CEP170: variants seen among roughly 807,000 people sequenced by gnomAD.
The protein encoded by CEP170 is centrosomal protein of 170 kDa.
A neutral mutation model predicts 151.9 loss-of-function variants in CEP170; 21 were observed. That is an observed-to-expected ratio of 0.14 (90% CI 0.10 to 0.20). The LOEUF (loss-of-function observed/expected upper bound fraction) is 0.20, where lower values mean the gene tolerates loss of function less well. CEP170 is among the 10% of genes least tolerant of loss of function. The pLI, the probability that CEP170 is intolerant of heterozygous loss-of-function variation, is 1.00. For missense variants in CEP170, 964 were observed against 1,892.9 expected, an observed-to-expected ratio of 0.51 and a Z score of 9.11; for synonymous variants, 356 against 648.8, an observed-to-expected ratio of 0.55 and a Z score of 6.86.
intron 7 of CEP170, among the ~76,000 whole-genome samples, chr1:243,195,908 A>G (rs1572193126): frequency 6.6e-6 from 1 of 152,042 alleles, no homozygotes; most frequent in Non-Finnish European, 1.5e-5. Context: ...TCTTAAGGCT[A>G]TTACTAATCA....
In CEP170 at chr1:243,128,513, T is replaced by C. The variant is rs187060510; in HGVS notation, c.4414-213A>G. ...AAACTAAAATGAAATACAATAACTT[T>C]TTCAGTGAGATGATTGTAGCAGATG... On this transcript the variant is annotated intron_variant, in intron 18 of 19. Transcript: ENST00000366542. 114 of 513,976 alleles carry C rather than the reference T, an allele frequency of 2.2e-4. 1 individual carries two copies. The highest frequency in any genetic ancestry group is 1.3e-3 in the African/African-American group (66 of 49,584). 31.8% of individuals were successfully genotyped at this position (513,976 alleles called of 1,614,324 possible).
In CEP170 at chr1:243,202,973, C is replaced by T. The variant is rs559971702; in HGVS notation, c.275-2138G>A. ...ATCCTCTTTAAACCTAGACACTCTT[C>T]AGGTCATGGAGAGCTTGAGAGGAGC... On this transcript the variant is annotated intron_variant, in intron 4 of 19. Transcript: ENST00000366542. Among the ~76,000 whole-genome samples, 38 of 152,266 alleles carry T rather than the reference C, an allele frequency of 2.5e-4. No individual in the cohort carries two copies. The South Asian group carries it at 4.1e-3, about 17-fold the overall frequency.
chr1:243,214,716 G>A (rs940910155), intron 3 of CEP170, among the ~76,000 whole-genome samples: 5 of 152,120 alleles, frequency 3.3e-5, no homozygotes, highest in Non-Finnish European at 5.9e-5. Flanking sequence ...ATATGTTCCA[G>A]GTGAATACAT....
chr1:243,166,235 C>G, intron 12 of CEP170, 119 bp from the exon 13 acceptor site: 1 of 1,348,226 alleles, frequency 7.4e-7, no homozygotes, highest in African/African-American at 1.5e-5. Context: ...CCTTATTCCC[C>G]CAGGATACCA....
intron 12 of CEP170, among the ~76,000 whole-genome samples, chr1:243,167,521 A>T (rs2058526544): frequency 6.6e-6 from 1 of 151,852 alleles, no homozygotes; most frequent in Non-Finnish European, 1.5e-5. Flanking sequence ...CCTGACTATT[A>T]AAAATGGAAT....
chr1:243,191,121 G>C lies in CEP170; in HGVS notation c.1005C>G (p.Asp335Glu). The C allele has an allele frequency of 1.2e-6, 2 of 1,613,486 alleles. No individual in the cohort carries two copies. The highest frequency in any genetic ancestry group is 3.3e-5 in the Admixed American group (2 of 59,976). ...GAGGAGGGTTGTTTTGTGCTAGCCA[G>C]TCAGCAACTTTGTTTTCGGGTGCCA... ...GMMAPENKVA[D>E]WLAQNNPPQM... is the part of the protein sequence containing the mutation. The change falls in exon 8 of 20, where the codon GAC becomes GAG. Residue 335 changes from aspartate to glutamate, a missense_variant. Transcript: ENST00000366542.
chr1:243,244,700 C>A (rs1220337742), intron 1 of CEP170, among the ~76,000 whole-genome samples: 3 of 151,644 alleles, frequency 2.0e-5, no homozygotes, highest in Non-Finnish European at 4.4e-5. Context: ...GAATGGAGAT[C>A]CCCCCACTGC....
chr1:243,191,123 C>T lies in CEP170; in HGVS notation c.1003G>A (p.Asp335Asn). 6.2e-7 allele frequency: 1 copy of T among 1,613,502 alleles called. No homozygotes were observed. Among genetic ancestry groups the T allele is most frequent in the Non-Finnish European group, 8.5e-7 (1 of 1,179,594 alleles). Residue 335 changes from aspartate to asparagine, a missense_variant, in exon 8 of 20, where the codon GAC becomes AAC. Physicochemically the swap from Asp to Asn is conservative, Grantham distance 23. Coordinates refer to ENST00000366542, the MANE Select transcript of CEP170 (RefSeq NM_014812.3). ...GGAGGGTTGTTTTGTGCTAGCCAGTCAGCAACTTTGTTTTCGGGTGCCATC... is the reference window on the plus strand; with the variant it reads ...GGAGGGTTGTTTTGTGCTAGCCAGTTAGCAACTTTGTTTTCGGGTGCCATC... ...GMMAPENKVA[D>N]WLAQNNPPQM...
chr1:243,197,292 C>T (rs937518526), intron 7 of CEP170, among the ~76,000 whole-genome samples: 1 of 152,058 alleles, frequency 6.6e-6, no homozygotes, highest in Non-Finnish European at 1.5e-5. Flanking sequence ...TTTCAATATC[C>T]TTTCCCTGTT....
intron 14 of CEP170, among the ~76,000 whole-genome samples, chr1:243,152,521 ATTTTTTTTTTTTTT>A (rs371392454): frequency 9.1e-5 from 5 of 54,932 alleles, no homozygotes; most frequent in African/African-American, 1.5e-4. Flanking sequence ...GCGCCCAGCC[ATTTTTTTTTTTTTT>A]TTTTTTTTTT....
intron 1 of CEP170, among the ~76,000 whole-genome samples, chr1:243,241,886 T>C (rs1471228749): frequency 1.4e-5 from 2 of 144,774 alleles, no homozygotes; most frequent in African/African-American, 2.6e-5. Flanking sequence ...GTAGGGGGAG[T>C]GGGCTATGAA....
At position 243,165,550 on chromosome 1, in the gene CEP170, G is replaced by A; in HGVS notation, c.2410C>T (p.Gln804Ter). ...HSTSKGDRVA[Q>*]SESKRRKAEE... ...GCTTTTCTTCTCTTGCTCTCACTTT[G>A]TGCCACTCTGTCTCCTTTGCTTGTA... is the stretch of plus-strand genomic sequence containing the variant. Residue 804 changes from glutamine (Q) to a stop codon, truncating the protein, a stop_gained, in exon 13 of 20, where the codon CAA becomes TAA. Transcript: ENST00000366542. LOFTEE classifies it high-confidence loss of function. 1 of 1,613,506 alleles carries A rather than the reference G, an allele frequency of 6.2e-7. No homozygotes were observed. The highest frequency in any genetic ancestry group is 8.5e-7 in the Non-Finnish European group (1 of 1,179,802).
intron 1 of CEP170, among the ~76,000 whole-genome samples, chr1:243,240,594 T>C (rs1572609471): frequency 6.6e-6 from 1 of 151,996 alleles, no homozygotes; most frequent in Middle Eastern, 3.4e-3. Flanking sequence ...ACCTGAAGAC[T>C]TGAACTTATA....
At chr1:243,129,652 A>G (rs1246021371) in intron 17 of CEP170, among the ~76,000 whole-genome samples, 199 bp from the exon 18 acceptor site, 7 of 152,186 alleles carry the variant, frequency 4.6e-5, no homozygotes, top group African/African-American at 1.7e-4. Context: ...AATGCTTATT[A>G]ATACATGCAT....
rs2059874745 is a variant in CEP170 at position 243,185,318 on chromosome 1, A to G, written c.1566+461T>C. ...GAATAGAAATTAAGAAAACATACGGACAAAGAACAAAGCTAAAATAAGTAT... is the reference window on the plus strand; with the variant it reads ...GAATAGAAATTAAGAAAACATACGGGCAAAGAACAAAGCTAAAATAAGTAT... On this transcript the variant is annotated intron_variant, in intron 10 of 19. Coordinates refer to ENST00000366542, the MANE Select transcript of CEP170 (RefSeq NM_014812.3). This position sits in a 1 kb window ranked among gnomAD's most constrained non-coding sequence, Gnocchi z 4.9. 6.6e-6 allele frequency among the ~76,000 whole-genome samples: 1 copy of G among 152,320 alleles called. No individual in the cohort carries two copies. Among genetic ancestry groups the G allele is most frequent in the South Asian group, 2.1e-4 (1 of 4,826 alleles).
intron 2 of CEP170, among the ~76,000 whole-genome samples, chr1:243,223,239 G>A (rs2062965869): frequency 6.6e-6 from 1 of 152,100 alleles, no homozygotes; most frequent in African/African-American, 2.4e-5. Flanking sequence ...TCTCTCTGAG[G>A]AAAAGAGTAC....
At chr1:243,134,848 G>A (rs1224873184) in intron 17 of CEP170, among the ~76,000 whole-genome samples, 2 of 151,854 alleles carry the variant, frequency 1.3e-5, no homozygotes, top group East Asian at 1.9e-4. Context: ...AAATATGGAG[G>A]GGTCTGTCAA....
intron 1 of CEP170, among the ~76,000 whole-genome samples, chr1:243,238,609 A>G (rs535295572): frequency 3.3e-5 from 5 of 152,372 alleles, no homozygotes; most frequent in African/African-American, 1.2e-4. Flanking sequence ...ATTTTTTAAA[A>G]GTATAATTTT....
chr1:243,134,827 A>G (rs1292909118), intron 17 of CEP170, among the ~76,000 whole-genome samples: 2 of 152,108 alleles, frequency 1.3e-5, no homozygotes, highest in Non-Finnish European at 2.9e-5. Flanking sequence ...AGCATGCCTC[A>G]TATGCCAATC....
Sources: gnomAD v4.1 joint callset for allele counts (sites outside exome capture counted in the v4.1 genomes callset) on GRCh38, gnomAD v4.1.1 for gene constraint, Gnocchi (gnomAD v3.1) non-coding constraint, MANE v1.5 for transcripts, NCBI Gene and HGNC (gene_info 2026-07-23, HGNC 2026-07-21) for gene names.